The following SUN3 variants were observed in gnomAD, a reference collection of about 807,000 sequenced individuals.
SUN3 encodes the protein Sad1 and UNC84 domain containing 3.
In SUN3, 36 loss-of-function variants were observed where a neutral mutation model predicts 48.2. That is an observed-to-expected ratio of 0.75 (90% CI 0.57 to 0.99). The LOEUF (loss-of-function observed/expected upper bound fraction) is 0.99, where lower values mean the gene tolerates loss of function less well. Ranked by LOEUF, SUN3 falls within the 50% of genes least tolerant of loss-of-function variation. The pLI is 0.00. For missense variants in SUN3, 419 were observed against 433.1 expected, an observed-to-expected ratio of 0.97 and a Z score of 0.29; for synonymous variants, 148 against 147.9, an observed-to-expected ratio of 1.00 and a Z score of 0.00.
At chr7:48,022,801 T>G (rs980044931) in intron 2 of SUN3, among the ~76,000 whole-genome samples, 1 of 152,020 alleles carries the variant, frequency 6.6e-6, no homozygotes, top group African/African-American at 2.4e-5. Flanking sequence ...TAGAAGAAAG[T>G]CTTTGTTGGA....
At chr7:48,003,202 G>T (rs1789435580) in intron 6 of SUN3, among the ~76,000 whole-genome samples, 1 of 152,170 alleles carries the variant, frequency 6.6e-6, no homozygotes, top group African/African-American at 2.4e-5. Flanking sequence ...GTTTTTGTTA[G>T]ATTGGTAGAA....
At chr7:47,987,560 A>C (rs1041387665) in intron 9 of SUN3, 111 bp from the exon 10 acceptor site, 1 of 1,075,362 alleles carries the variant, frequency 9.3e-7, no homozygotes, top group Non-Finnish European at 1.3e-6. Context: ...TCGAGATAGG[A>C]TCTGGCTCTG....
intron 2 of SUN3, among the ~76,000 whole-genome samples, chr7:48,019,977 C>CAAAAAAA (rs869166401): frequency 6.5e-4 from 42 of 64,126 alleles, no homozygotes; most frequent in Non-Finnish European, 8.0e-4. Context: ...AAAGACACAT[C>CAAAAAAA]AAAAAAAAAA....
At chr7:48,006,153 GAATAGCA>G in intron 5 of SUN3, 100 bp from the exon 6 acceptor site, 1 of 755,398 alleles carries the variant, frequency 1.3e-6, no homozygotes, top group Non-Finnish European at 2.2e-6. Flanking sequence ...TGCAAAATTA[GAATAGCA>G]GTGAGCCCCT....
In SUN3 at chr7:48,007,130, C is replaced by T. The variant is rs1206093031; in HGVS notation, c.492+35G>A. 3.8e-6 allele frequency: 6 copies of T among 1,584,144 alleles called. No individual in the cohort carries two copies. The South Asian group carries it at 4.6e-5, about 12-fold the overall frequency. ...CTGGACATCCGCGCTAACCACCACC[C>T]CACCCTGCCCAACCCGCCTAGCCTC... On this transcript the variant is annotated intron_variant, in intron 5 of 9. Transcript: ENST00000297325.
the SUN3 span, chr7:48,035,519 G>A: frequency 1.4e-6 from 1 of 697,690 alleles, no homozygotes; most frequent in South Asian, 1.5e-5. The surrounding 1 kb of genome is among the most constrained non-coding windows in gnomAD (Gnocchi z 4.0). Context: ...CCGATGTTGT[G>A]GTTCCGCGGC....
intron 2 of SUN3, among the ~76,000 whole-genome samples, chr7:48,022,546 A>G (rs932210222): frequency 1.3e-5 from 2 of 152,078 alleles, no homozygotes; most frequent in South Asian, 4.1e-4. Flanking sequence ...TATATATACT[A>G]TGTACCCACA....
chr7:47,990,594 C>G (rs973316951), intron 8 of SUN3, among the ~76,000 whole-genome samples: 2 of 152,094 alleles, frequency 1.3e-5, no homozygotes, highest in African/African-American at 4.8e-5. Flanking sequence ...CTCGTTCCAC[C>G]TGACGAGAAA....
chr7:48,010,788 A>C (rs1789661852), intron 3 of SUN3, among the ~76,000 whole-genome samples: 1 of 152,170 alleles, frequency 6.6e-6, no homozygotes, highest in Non-Finnish European at 1.5e-5. Context: ...ACATGACCAC[A>C]AACGGGGTGG....
upstream of SUN3, among the ~76,000 whole-genome samples, chr7:48,030,529 T>C (rs1342385165): frequency 6.6e-6 from 1 of 152,244 alleles, no homozygotes; most frequent in Non-Finnish European, 1.5e-5. Flanking sequence ...GGTAGCTTAC[T>C]ATAAACTGTG....
rs56960345 is a variant in SUN3, at chr7:48,021,561, G to GA, written c.185-4197dup. ...TAAGGAGCTCAAACAACTCTACAGA[G>GA]AAAAAAAAAAAAAACAAACCTAAAT... On this transcript the variant is annotated intron_variant, in intron 2 of 9. Transcript: ENST00000297325. Among the ~76,000 whole-genome samples, 780 of 99,442 alleles carry GA rather than the reference G, an allele frequency of 7.8e-3. 2 individuals carry two copies. Among genetic ancestry groups the GA allele is most frequent in the Admixed American group, 0.013 (111 of 8,754 alleles). 65.2% of individuals were successfully genotyped at this position (99,442 alleles called of 152,430 possible). A position where few individuals can be genotyped will look rare whatever the true frequency, so the allele number is the denominator to read the frequency against.
At chr7:48,028,732 A>G in intron 1 of SUN3, 85 bp downstream of exon 1, 1 of 1,524,636 alleles carries the variant, frequency 6.6e-7, no homozygotes, top group Non-Finnish European at 8.9e-7. Flanking sequence ...GTCGGGTAAC[A>G]GGTAACAGAT....
intron 3 of SUN3, 56 bp from the exon 4 acceptor site, chr7:48,009,131 C>CT (rs200025227): frequency 0.024 from 32,923 of 1,356,210 alleles, 95 homozygotes; most frequent in South Asian, 0.066. Flanking sequence ...CAAATAGAGT[C>CT]TTTTTTTTTT....
chr7:48,005,647 G>A (rs1246333127), intron 6 of SUN3, among the ~76,000 whole-genome samples: 1 of 151,756 alleles, frequency 6.6e-6, no homozygotes, highest in Non-Finnish European at 1.5e-5. Context: ...GTGATCATAA[G>A]TAATTTTAGT....
chr7:48,011,508 T>C (rs1211732640), intron 3 of SUN3, among the ~76,000 whole-genome samples: 2 of 152,200 alleles, frequency 1.3e-5, no homozygotes, highest in African/African-American at 2.4e-5. Flanking sequence ...GAGCTTATCA[T>C]TGGTAGATAG....
intron 6 of SUN3, 114 bp downstream of exon 6, chr7:48,005,855 C>CT: frequency 3.8e-6 from 2 of 524,968 alleles, no homozygotes; most frequent in Admixed American, 3.9e-5. Context: ...TAATTTCCCC[C>CT]CCCCAAGTTA....
intron 8 of SUN3, among the ~76,000 whole-genome samples, chr7:47,993,229 G>T (rs1047671266): frequency 2.0e-5 from 3 of 152,142 alleles, no homozygotes; most frequent in Non-Finnish European, 4.4e-5. Context: ...TGAACAAAAA[G>T]ATAATACAGT....
chr7:48,009,394 G>C (rs1204959998), intron 3 of SUN3, among the ~76,000 whole-genome samples: 3 of 152,102 alleles, frequency 2.0e-5, no homozygotes, highest in South Asian at 2.1e-4. Flanking sequence ...GGTTGGAAGA[G>C]GAAAAAATAG....
At chr7:48,035,372 C>G in the SUN3 span, 2 of 603,550 alleles carry the variant, frequency 3.3e-6, no homozygotes, top group East Asian at 3.0e-5. The surrounding 1 kb of genome is among the most constrained non-coding windows in gnomAD (Gnocchi z 4.0). Context: ...CTCTGGGCTA[C>G]GGGCAGTTGA....
Sources: gnomAD v4.1 joint callset for allele counts (sites outside exome capture counted in the v4.1 genomes callset) on GRCh38, gnomAD v4.1.1 for gene constraint, Gnocchi (gnomAD v3.1) non-coding constraint, MANE v1.5 for transcripts, NCBI Gene and HGNC (gene_info 2026-07-23, HGNC 2026-07-21) for gene names.